The following CDYL2 variants were observed in gnomAD, a reference collection of about 807,000 sequenced individuals.
The protein encoded by CDYL2 is chromodomain Y like 2.
In CDYL2, 23 loss-of-function variants were observed where a neutral mutation model predicts 49.4. That is an observed-to-expected ratio of 0.47 (90% CI 0.34 to 0.66). The LOEUF (loss-of-function observed/expected upper bound fraction) is 0.66. Ranked by LOEUF, CDYL2 falls within the 30% of genes least tolerant of loss-of-function variation. The pLI is 0.01. For synonymous variants in CDYL2, 360 were observed against 268.8 expected (o/e 1.34, Z -3.32); for missense variants, 678 against 656.4 (o/e 1.03, Z -0.36).
intron 2 of CDYL2, among the ~76,000 whole-genome samples, chr16:80,678,137 A>G (rs969607624): frequency 6.6e-6 from 1 of 152,256 alleles, no homozygotes; most frequent in Non-Finnish European, 1.5e-5. Context: ...CTTAAACGCT[A>G]GACCTAAAAC....
chr16:80,603,082 A>G lies in CDYL2; in HGVS notation c.*1306T>C, dbSNP rs1158690958. The G allele has an allele frequency of 6.6e-6, 1 of 152,210 alleles. No homozygotes were observed. The highest frequency in any genetic ancestry group is 2.4e-5 in the African/African-American group (1 of 41,440). The allele number at this position is 152,210 out of a possible 1,614,324, so 9.4% of individuals were successfully genotyped here. ...GGTCATTGCTCCCTATGTACATAAA[A>G]AAACTAGAAAACAGATGAGTCATTT... On this transcript the variant is annotated 3_prime_UTR_variant, in exon 7 of 7. Coordinates refer to ENST00000570137, the MANE Select transcript of CDYL2 (RefSeq NM_152342.4).
intron 1 of CDYL2, among the ~76,000 whole-genome samples, chr16:80,717,379 C>T (rs1031411238): frequency 6.6e-6 from 1 of 152,198 alleles, no homozygotes; most frequent in African/African-American, 2.4e-5. Context: ...AGCAACATGG[C>T]TACAGGGGGC....
At chr16:80,639,481 A>G (rs1567551519) in intron 2 of CDYL2, among the ~76,000 whole-genome samples, 1 of 152,190 alleles carries the variant, frequency 6.6e-6, no homozygotes, top group African/African-American at 2.4e-5. Context: ...GGATAAACAA[A>G]CTGTGGTACA....
chr16:80,613,141 T>G (rs533416991), intron 4 of CDYL2, among the ~76,000 whole-genome samples: 30 of 152,094 alleles, frequency 2.0e-4, no homozygotes, highest in Non-Finnish European at 3.5e-4. Context: ...GTAAGTTATA[T>G]GGGCACCCTA....
intron 2 of CDYL2, among the ~76,000 whole-genome samples, chr16:80,676,356 G>A (rs762072447): frequency 3.0e-4 from 46 of 152,316 alleles, no homozygotes; most frequent in Non-Finnish European, 5.9e-4. Flanking sequence ...CTTGAAGTGG[G>A]TCAGGAAGAA....
chr16:80,794,221 C>T (rs1430326547), intron 1 of CDYL2, among the ~76,000 whole-genome samples: 1 of 152,206 alleles, frequency 6.6e-6, no homozygotes, highest in African/African-American at 2.4e-5. Context: ...AAGTGTTACA[C>T]ATTCCACTGT....
rs762671728 is a variant in CDYL2, at chr16:80,601,339, G to C, written c.*3049C>G. Reference sequence around the variant, plus strand: ...GGAGTGGATTGCTAGAAAGGTCCCTGACTAAAGAGGTGTCCTCAATTGCCC... The same window carrying C: ...GGAGTGGATTGCTAGAAAGGTCCCTCACTAAAGAGGTGTCCTCAATTGCCC... On this transcript the variant is annotated 3_prime_UTR_variant, in exon 7 of 7. Coordinates refer to ENST00000570137, the MANE Select transcript of CDYL2 (RefSeq NM_152342.4). The C allele has an allele frequency of 1.3e-5, 2 of 152,184 alleles. No individual in the cohort carries two copies. The highest frequency in any genetic ancestry group is 2.9e-5 in the Non-Finnish European group (2 of 68,056). 9.4% of individuals were successfully genotyped at this position (152,184 alleles called of 1,614,324 possible). A position where few individuals can be genotyped will look rare whatever the true frequency, so the allele number is the denominator to read the frequency against.
chr16:80,620,156 T>C (rs58007867), intron 4 of CDYL2, among the ~76,000 whole-genome samples: 2 of 152,138 alleles, frequency 1.3e-5, no homozygotes, highest in African/African-American at 4.8e-5. Context: ...GATATACTGA[T>C]AAAGAATGGG....
chr16:80,710,646 G>A (rs1904564356), intron 1 of CDYL2, among the ~76,000 whole-genome samples: 1 of 152,166 alleles, frequency 6.6e-6, no homozygotes, highest in African/African-American at 2.4e-5. Context: ...CAAGGACACA[G>A]AGGACAATAA....
At chr16:80,703,597 G>C (rs1241641409) in intron 1 of CDYL2, among the ~76,000 whole-genome samples, 2 of 152,086 alleles carry the variant, frequency 1.3e-5, no homozygotes, top group Non-Finnish European at 2.9e-5. Context: ...AGGCCACAGG[G>C]CCTCCCTGTG....
At chr16:80,636,978 T>C (rs1454942741) in intron 2 of CDYL2, among the ~76,000 whole-genome samples, 1 of 152,122 alleles carries the variant, frequency 6.6e-6, no homozygotes, top group East Asian at 1.9e-4. Flanking sequence ...CCGCATATTC[T>C]CACTCATAAG....
intron 4 of CDYL2, among the ~76,000 whole-genome samples, chr16:80,617,225 T>C (rs1906872252): frequency 6.6e-6 from 1 of 152,164 alleles, no homozygotes; most frequent in African/African-American, 2.4e-5. Context: ...AAGTTTTCTT[T>C]AGGCAAGGAT....
intron 1 of CDYL2, among the ~76,000 whole-genome samples, chr16:80,803,277 C>T (rs766105198): frequency 5.0e-4 from 76 of 152,204 alleles, no homozygotes; most frequent in Non-Finnish European, 1.2e-4. Context: ...TTTGGGAAGA[C>T]ATGAGAGTAT....
chr16:80,780,158 A>G (rs1035358145), intron 1 of CDYL2, among the ~76,000 whole-genome samples: 1 of 152,146 alleles, frequency 6.6e-6, no homozygotes, highest in African/African-American at 2.4e-5. Flanking sequence ...TTGCATGCAG[A>G]ACAGCAGCAC....
At chr16:80,634,413 G>A (rs1011249759) in intron 2 of CDYL2, among the ~76,000 whole-genome samples, 1 of 152,126 alleles carries the variant, frequency 6.6e-6, no homozygotes, top group African/African-American at 2.4e-5. Context: ...ACCAAACACC[G>A]CATGTTCTCA....
chr16:80,789,161 T>A (rs925853148), intron 1 of CDYL2, among the ~76,000 whole-genome samples: 1 of 152,078 alleles, frequency 6.6e-6, no homozygotes, highest in Admixed American at 6.5e-5. Context: ...GGAACACTCA[T>A]ACACTATTGC....
At chr16:80,628,822 A>T (rs1169542744) in intron 3 of CDYL2, among the ~76,000 whole-genome samples, 2 of 152,184 alleles carry the variant, frequency 1.3e-5, no homozygotes, top group African/African-American at 4.8e-5. Flanking sequence ...TATCCCCAAG[A>T]AGTTTACAGT....
chr16:80,689,918 C>T (rs1312715368), intron 1 of CDYL2, among the ~76,000 whole-genome samples: 2 of 151,976 alleles, frequency 1.3e-5, no homozygotes, highest in African/African-American at 4.8e-5. Context: ...GTCAGGAGTT[C>T]GAAACCAGCC....
intron 1 of CDYL2, among the ~76,000 whole-genome samples, chr16:80,786,488 A>G (rs376890084): frequency 4.6e-5 from 7 of 152,222 alleles, no homozygotes; most frequent in South Asian, 2.1e-4. Flanking sequence ...GGTTGTGGAA[A>G]AATAGGAACG....
Sources: allele counts gnomAD v4.1 joint callset (sites outside exome capture counted in the v4.1 genomes callset), GRCh38; gene constraint gnomAD v4.1.1; transcripts MANE v1.5; gene names NCBI Gene and HGNC (gene_info 2026-07-23, HGNC 2026-07-21).